Variants in MTAP observed in about 807,000 individuals in gnomAD.
The protein encoded by MTAP is methylthioadenosine phosphorylase, also known as S-methyl-5'-thioadenosine phosphorylase.
A neutral mutation model predicts 33.6 loss-of-function variants in MTAP; 33 were observed. That is an observed-to-expected ratio of 0.98 (90% CI 0.74 to 1.31). MTAP has a LOEUF of 1.31. MTAP is among the 40% of genes most tolerant of loss of function. MTAP has a pLI of 0.00. For synonymous variants in MTAP, 148 were observed against 125.7 expected, an observed-to-expected ratio of 1.18 and a Z score of -1.19; for missense variants, 367 against 360.0, an observed-to-expected ratio of 1.02 and a Z score of -0.16.
At position 21,865,063 on chromosome 9, in the gene MTAP, G is replaced by A; in HGVS notation, c.*3049G>A. ...GAGGAGTTCTTGCCACATTTGCAGA[G>A]TCCCTCCTTGATAAGGTTTGGCGGT... On this transcript the variant is annotated 3_prime_UTR_variant, in exon 8 of 8. Coordinates refer to ENST00000644715, the MANE Select transcript of MTAP (RefSeq NM_002451.4). The A allele has an allele frequency of 1.0e-6, 1 of 985,442 alleles. No individual in the cohort carries two copies. Among genetic ancestry groups the A allele is most frequent in the Non-Finnish European group, 1.2e-6 (1 of 829,942 alleles). 61.0% of individuals were successfully genotyped at this position (985,442 alleles called of 1,614,324 possible).
Position 21,864,310 on chromosome 9 carries a change from A to G in MTAP, c.*2296A>G. The G allele has an allele frequency of 2.0e-6, 2 of 985,330 alleles. No homozygotes were observed. Among genetic ancestry groups the G allele is most frequent in the Non-Finnish European group, 2.4e-6 (2 of 829,916 alleles). The allele number at this position is 985,330 out of a possible 1,614,324, so 61.0% of individuals were successfully genotyped here. On this transcript the variant is annotated 3_prime_UTR_variant, in exon 8 of 8. Coordinates refer to ENST00000644715, the MANE Select transcript of MTAP (RefSeq NM_002451.4). ...CTTATGCTTGAGGATATTGTTGAAG[A>G]ACACTTCCTGGAACACTTCTCACTT...
chr9:21,867,995 G>A (rs1279883197), downstream of MTAP, among the ~76,000 whole-genome samples: 1 of 152,104 alleles, frequency 6.6e-6, no homozygotes, highest in African/African-American at 2.4e-5. Context: ...GACAAAAGGG[G>A]AAATCAAAAA....
chr9:21,834,694 C>T (rs1003980932), intron 4 of MTAP, among the ~76,000 whole-genome samples: 11 of 152,278 alleles, frequency 7.2e-5, no homozygotes, highest in East Asian at 3.9e-4. Context: ...GAAGACATGC[C>T]GCACACCTAG....
intron 4 of MTAP, among the ~76,000 whole-genome samples, chr9:21,834,544 C>G (rs112252148): frequency 0.022 from 3,298 of 152,282 alleles, 78 homozygotes; most frequent in Non-Finnish European, 0.029. Flanking sequence ...AGGGTAGAAT[C>G]CCTTTCCCTG....
At chr9:21,928,615 T>A (rs77144116) in intron 1 of MTAP, among the ~76,000 whole-genome samples, 2,262 of 152,256 alleles carry the variant, frequency 0.015, 37 homozygotes, top group Middle Eastern at 0.034. Context: ...TCATCTTTTT[T>A]TCCCCAAGTA....
chr9:21,861,742 A>T, intron 7 of MTAP: 1 of 557,134 alleles, frequency 1.8e-6, no homozygotes. Flanking sequence ...GCTCTGAGAT[A>T]AGCATTATTA....
At chr9:21,852,354 G>A (rs115729689) in intron 5 of MTAP, among the ~76,000 whole-genome samples, 2 of 151,896 alleles carry the variant, frequency 1.3e-5, no homozygotes, top group Non-Finnish European at 2.9e-5. Context: ...AAAATACAAA[G>A]AAAAGAATTA....
chr9:21,872,837 C>T (rs1267746644), intron 1 of MTAP, among the ~76,000 whole-genome samples: 1 of 152,090 alleles, frequency 6.6e-6, no homozygotes, highest in Non-Finnish European at 1.5e-5. Flanking sequence ...TGACTGCAGT[C>T]CTAATGATAA....
At position 21,896,709 on chromosome 9, in the gene MTAP, A is replaced by G. The variant is rs112899325; in HGVS notation, c.148-34299A>G. On this transcript the variant is annotated intron_variant, in intron 1 of 1. Transcript: ENST00000577563. Reference sequence around the variant, plus strand: ...AAGAAGTTGAATCCCTGAATAGACCAATAACAGGTTCTGAAATTGAGGCAA... The same window carrying G: ...AAGAAGTTGAATCCCTGAATAGACCGATAACAGGTTCTGAAATTGAGGCAA... 6.9e-3 allele frequency among the ~76,000 whole-genome samples: 1,048 copies of G among 152,306 alleles called. 17 individuals carry two copies. Among genetic ancestry groups the G allele is most frequent in the African/African-American group, 0.023 (948 of 41,564 alleles).
At chr9:21,829,112 T>C (rs1325242888) in intron 4 of MTAP, among the ~76,000 whole-genome samples, 1 of 152,224 alleles carries the variant, frequency 6.6e-6, no homozygotes, top group Non-Finnish European at 1.5e-5. Flanking sequence ...TCTTGGTGTA[T>C]TGAGACGGGC....
chr9:21,854,696 C>A lies in MTAP; in HGVS notation c.516C>A (p.Ile172=). The change falls in exon 6 of 8, where the codon ATC becomes ATA. Residue 172 remains isoleucine (I), a synonymous_variant. Coordinates refer to ENST00000644715, the MANE Select transcript of MTAP (RefSeq NM_002451.4). ...RCHSKGTMVT[I]EGPRFSSRAE... ...ACTCAAAGGGGACAATGGTCACAAT[C>A]GAGGGACCTCGTTTTAGCTCCCGGG... is the stretch of plus-strand genomic sequence containing the variant. 1 of 1,613,910 alleles carries A rather than the reference C, an allele frequency of 6.2e-7. No individual in the cohort carries two copies. The highest frequency in any genetic ancestry group is 2.2e-5 in the East Asian group (1 of 44,882).
At chr9:21,838,834 A>C (rs1825173200) in intron 5 of MTAP, among the ~76,000 whole-genome samples, 1 of 152,270 alleles carries the variant, frequency 6.6e-6, no homozygotes, top group African/African-American at 2.4e-5. Context: ...GATCAGAAGT[A>C]TCGTTAGAGA....
chr9:21,932,053 A>G (rs1818968795), downstream of MTAP: 1 of 152,154 alleles, frequency 6.6e-6, no homozygotes, highest in South Asian at 2.1e-4. Context: ...AAGACTTTTT[A>G]CAAAAGGCAA....
At chr9:21,843,339 G>A (rs532357686) in intron 5 of MTAP, among the ~76,000 whole-genome samples, 5 of 152,138 alleles carry the variant, frequency 3.3e-5, no homozygotes, top group South Asian at 4.2e-4. Context: ...CTCCACTGAC[G>A]GCACTAGACA....
chr9:21,930,946 C>T, intron 1 of MTAP: 1 of 694,954 alleles, frequency 1.4e-6, no homozygotes, highest in Non-Finnish European at 2.6e-6. Flanking sequence ...TACTTTTGCT[C>T]CTTTCAGTCC....
chr9:21,935,105 C>G (rs1185610920), downstream of MTAP: 5 of 152,146 alleles, frequency 3.3e-5, no homozygotes, highest in Admixed American at 6.5e-5. Flanking sequence ...CTAGCTTTGT[C>G]TGTCTAATGA....
At chr9:21,821,316 TG>T (rs2118104851) in intron 4 of MTAP, among the ~76,000 whole-genome samples, 1 of 152,334 alleles carries the variant, frequency 6.6e-6, no homozygotes, top group South Asian at 2.1e-4. Context: ...CCTAACTTAT[TG>T]AGAGTTTTTA....
At chr9:21,937,199 C>T (rs147379748) in exon 8 of MTAP, 8,534 of 152,096 alleles carry the variant, frequency 0.056, 776 homozygotes, top group African/African-American at 0.19. Flanking sequence ...ATTAGCTGGG[C>T]GTGGTGGTGC....
chr9:21,856,161 A>G (rs894334883), intron 6 of MTAP: 4 of 985,458 alleles, frequency 4.1e-6, no homozygotes, highest in Non-Finnish European at 4.8e-6. Flanking sequence ...AAGGGACGAC[A>G]AAACTGCAGT....
Sources: gnomAD v4.1 joint callset for allele counts (sites outside exome capture counted in the v4.1 genomes callset) on GRCh38, gnomAD v4.1.1 for gene constraint, MANE v1.5 for transcripts, NCBI Gene and HGNC (gene_info 2026-07-23, HGNC 2026-07-21) for gene names.